CIAO1: variants seen among roughly 807,000 people sequenced by gnomAD.
CIAO1 encodes probable cytosolic iron-sulfur protein assembly protein CIAO1.
In CIAO1, 32 loss-of-function variants were observed where a neutral mutation model predicts 43.1. The ratio of observed to expected loss-of-function variants is 0.74; its 90% CI spans 0.56 to 1.00. The LOEUF (loss-of-function observed/expected upper bound fraction) is 1.00, where lower values mean the gene tolerates loss of function less well. CIAO1 is among the 50% of genes least tolerant of loss of function. CIAO1 has a pLI of 0.00. For missense variants in CIAO1, 415 were observed against 437.4 expected (o/e 0.95, Z 0.46); for synonymous variants, 183 against 171.4 (o/e 1.07, Z -0.53).
chr2:96,266,566 G>C, intron 1 of CIAO1, 77 bp downstream of exon 1: 4 of 1,291,726 alleles, frequency 3.1e-6, no homozygotes, highest in Non-Finnish European at 4.0e-6. Flanking sequence ...CAGCCTGCAG[G>C]GGAGGCTGAA....
At position 96,266,469 on chromosome 2, in the gene CIAO1, T is replaced by G; in HGVS notation, c.119T>G (p.Ile40Ser). ...LLASCGGDRRIRIWGTEGDSW... is the reference protein window; with the variant it reads ...LLASCGGDRRSRIWGTEGDSW... ...GCCTCGTGCGGCGGCGACCGGAGAA[T>G]CCGCATCTGGGGCACGGAGGGTAAG... The change falls in exon 1 of 7, where the codon ATC becomes AGC. Residue 40 changes from isoleucine (I) to serine (S), a missense_variant. Physicochemically the swap from Ile to Ser is moderately radical, Grantham distance 142. Coordinates refer to ENST00000488633, the MANE Select transcript of CIAO1 (RefSeq NM_004804.3). 6.5e-7 allele frequency: 1 copy of G among 1,546,318 alleles called. No homozygotes were observed. Among genetic ancestry groups the G allele is most frequent in the South Asian group, 1.2e-5 (1 of 85,562 alleles).
rs1310698229 is a variant in CIAO1, at chr2:96,274,170, A to C, written c.*2819A>C. On this transcript the variant is annotated 3_prime_UTR_variant, in exon 7 of 7. Transcript: ENST00000488633. ...TTTGTTATTTAAAAAGAAAAAAAAA[A>C]AAACAAAAACCTGAGTTTCTTAGTT... Among the ~76,000 whole-genome samples the C allele has an allele frequency of 8.8e-4, 117 of 133,300 alleles. 2 individuals are homozygous for C. The highest frequency in any genetic ancestry group is 6.7e-5 in the Non-Finnish European group (4 of 59,670). The allele number at this position is 133,300 out of a possible 152,430, so 87.4% of individuals were successfully genotyped here.
rs1684455476 is a variant in CIAO1 at position 96,267,378 on chromosome 2, A to G, written c.197A>G (p.Lys66Arg). 3 of 1,614,188 alleles carry G rather than the reference A, an allele frequency of 1.9e-6. No individual in the cohort carries two copies. Among genetic ancestry groups the G allele is most frequent in the Non-Finnish European group, 2.5e-6 (3 of 1,180,028 alleles). ...LSEGHQRTVRKVAWSPCGNYL... is the reference protein window; with the variant it reads ...LSEGHQRTVRRVAWSPCGNYL... ...GAAGGCCACCAGCGCACCGTGCGGA[A>G]GGTAGCCTGGTCCCCCTGCGGTAAT... Residue 66 changes from lysine to arginine, a missense_variant, in exon 2 of 7, where the codon AAG becomes AGG. Lys to Arg is a conservative substitution (Grantham distance 26, BLOSUM62 2). Transcript: ENST00000488633.
In CIAO1 at chr2:96,266,270, G is replaced by A. The variant is rs974216366; in HGVS notation, c.-81G>A. Reference sequence around the variant, plus strand: ...TCGGCCGCGGAAGCCTGGAGTGGGCGGTACGCAGACGCGCGCGGTGAGACC... The same window carrying A: ...TCGGCCGCGGAAGCCTGGAGTGGGCAGTACGCAGACGCGCGCGGTGAGACC... On this transcript the variant is annotated 5_prime_UTR_variant, in exon 1 of 7. Transcript: ENST00000488633. The A allele has an allele frequency of 5.5e-6, 7 of 1,278,810 alleles. No individual in the cohort carries two copies. Among genetic ancestry groups the A allele is most frequent in the Admixed American group, 3.8e-5 (1 of 25,984 alleles). 79.2% of individuals were successfully genotyped at this position (1,278,810 alleles called of 1,614,324 possible).
chr2:96,271,021 A>G, intron 6 of CIAO1, 90 bp from the exon 7 acceptor site: 1 of 1,524,556 alleles, frequency 6.6e-7, no homozygotes, highest in Non-Finnish European at 8.9e-7. Context: ...TGAGGCCTGA[A>G]GTTAGGGAAG....
In CIAO1 at chr2:96,272,283, A is replaced by G. The variant is rs1684567816; in HGVS notation, c.*932A>G. ...TAATGTGACAATGGCCTCCAAAACTACAGCCTTCCCTGAAGTTTAAGCTGT... is the reference window on the plus strand; with the variant it reads ...TAATGTGACAATGGCCTCCAAAACTGCAGCCTTCCCTGAAGTTTAAGCTGT... On this transcript the variant is annotated 3_prime_UTR_variant, in exon 7 of 7. Coordinates refer to ENST00000488633, the MANE Select transcript of CIAO1 (RefSeq NM_004804.3). 1.3e-5 allele frequency: 2 copies of G among 152,220 alleles called. No homozygotes were observed. Among genetic ancestry groups the G allele is most frequent in the African/African-American group, 4.8e-5 (2 of 41,446 alleles). 9.4% of individuals were successfully genotyped at this position (152,220 alleles called of 1,614,324 possible).
rs1022980026 is a variant in CIAO1 at position 96,272,039 on chromosome 2, A to G, written c.*688A>G. On this transcript the variant is annotated 3_prime_UTR_variant, in exon 7 of 7. Coordinates refer to ENST00000488633, the MANE Select transcript of CIAO1 (RefSeq NM_004804.3). The stretch of plus-strand genomic sequence containing the variant: ...CAACAGGGATGCAAATTGGTTCTTC[A>G]GTAAGGATAAAAAAAAATCACAAGC... The G allele has an allele frequency of 2.6e-5, 4 of 152,226 alleles. No individual in the cohort carries two copies. The highest frequency in any genetic ancestry group is 5.9e-5 in the Non-Finnish European group (4 of 68,058). 9.4% of individuals were successfully genotyped at this position (152,226 alleles called of 1,614,324 possible). A position where few individuals can be genotyped will look rare whatever the true frequency, so the allele number is the denominator to read the frequency against.
Position 96,268,612 on chromosome 2 carries a change from C to A in CIAO1, c.645C>A (p.Asp215Glu). 6.2e-7 allele frequency: 1 copy of A among 1,614,180 alleles called. No homozygotes were observed. The highest frequency in any genetic ancestry group is 1.7e-4 in the Middle Eastern group (1 of 6,058). Reference sequence around the variant, plus strand: ...AGCGCCTGGCGTCTTGTAGTGATGACCGTACTGTGCGTATCTGGCGTCAGT... The same window carrying A: ...AGCGCCTGGCGTCTTGTAGTGATGAACGTACTGTGCGTATCTGGCGTCAGT... ...SGQRLASCSD[D>E]RTVRIWRQYL... The change falls in exon 5 of 7, where the codon GAC (aspartate) becomes GAA (glutamate). Residue 215 changes from aspartate (D) to glutamate (E), a missense_variant. Coordinates refer to ENST00000488633, the MANE Select transcript of CIAO1 (RefSeq NM_004804.3).
At chr2:96,270,278 G>A (rs1458853128) in intron 6 of CIAO1, among the ~76,000 whole-genome samples, 2 of 151,870 alleles carry the variant, frequency 1.3e-5, no homozygotes, top group Non-Finnish European at 2.9e-5. Flanking sequence ...AGGCCAAGGT[G>A]AGTGAATCAT....
chr2:96,268,067 G>T, intron 4 of CIAO1, 143 bp downstream of exon 4: 3 of 732,902 alleles, frequency 4.1e-6, no homozygotes, highest in Admixed American at 4.3e-5. Flanking sequence ...TATAAAAACA[G>T]ATCCGGCTGG....
rs1684555777 is a variant in CIAO1, at chr2:96,271,762, A to G, written c.*411A>G. The stretch of plus-strand genomic sequence containing the variant: ...GATATTCATAAAAATTCCATGGTGA[A>G]TCCTTGTCTGAAATAGGTCCTCCCT... On this transcript the variant is annotated 3_prime_UTR_variant, in exon 7 of 7. Coordinates refer to ENST00000488633, the MANE Select transcript of CIAO1 (RefSeq NM_004804.3). The G allele has an allele frequency of 6.3e-6, 1 of 158,650 alleles. No individual in the cohort carries two copies. 9.8% of individuals were successfully genotyped at this position (158,650 alleles called of 1,614,324 possible).
At chr2:96,269,641 GT>G (rs1253470965) in intron 6 of CIAO1, among the ~76,000 whole-genome samples, 3 of 151,230 alleles carry the variant, frequency 2.0e-5, no homozygotes, top group Non-Finnish European at 3.0e-5. Flanking sequence ...GTGGCTGAGG[GT>G]TTTTTTTTGT....
At chr2:96,268,703 G>T (rs746370859) in intron 5 of CIAO1, 45 bp downstream of exon 5, 5 of 1,595,386 alleles carry the variant, frequency 3.1e-6, no homozygotes, top group Non-Finnish European at 4.3e-6. Flanking sequence ...CTCTCAAGGG[G>T]TTCACAGTCT....
chr2:96,268,555 T>C lies in CIAO1; in HGVS notation c.588T>C (p.Thr196=). The C allele has an allele frequency of 6.2e-7, 1 of 1,614,182 alleles. No individual in the cohort carries two copies. The highest frequency in any genetic ancestry group is 8.5e-7 in the Non-Finnish European group (1 of 1,180,006). ...CCACCCTTGAGGGCCATGAATCCAC[T>C]GTGTGGAGCTTGGCCTTTGACCCGA... The part of the protein sequence containing the change: ...CCATLEGHES[T]VWSLAFDPSG... The change falls in exon 5 of 7, where the codon ACT becomes ACC. Residue 196 remains threonine, a synonymous_variant. Transcript: ENST00000488633.
Position 96,269,360 on chromosome 2 carries a change from G to T in CIAO1, c.779+5G>T, listed in dbSNP as rs747299720. 1.2e-6 allele frequency: 2 copies of T among 1,612,698 alleles called. No individual in the cohort carries two copies. Among genetic ancestry groups the T allele is most frequent in the South Asian group, 2.2e-5 (2 of 91,058 alleles). On this transcript the variant is annotated splice_donor_5th_base_variant and intron_variant, in intron 6 of 6. Transcript: ENST00000488633. ...GACCATTTATGACATTGCTTGGTAA[G>T]ACTCCATCCCCCCACCCCATCCCAT...
intron 5 of CIAO1, 144 bp from the exon 6 acceptor site, chr2:96,269,124 G>A: frequency 1.4e-6 from 1 of 704,614 alleles, no homozygotes; most frequent in East Asian, 2.7e-5. Flanking sequence ...TAGTGTGTAA[G>A]GCAGATAAGC....
chr2:96,271,600 A>G lies in CIAO1; in HGVS notation c.*249A>G. ...ACAGATTTTTCTTGCATTAGGGCACAGTGTTAAATTTTTTGGAGGTAAATA... is the reference window on the plus strand; with the variant it reads ...ACAGATTTTTCTTGCATTAGGGCACGGTGTTAAATTTTTTGGAGGTAAATA... On this transcript the variant is annotated 3_prime_UTR_variant, in exon 7 of 7. Coordinates refer to ENST00000488633, the MANE Select transcript of CIAO1 (RefSeq NM_004804.3). 1 of 478,176 alleles carries G rather than the reference A, an allele frequency of 2.1e-6. No individual in the cohort carries two copies. The highest frequency in any genetic ancestry group is 5.6e-4 in the Middle Eastern group (1 of 1,784). 29.6% of individuals were successfully genotyped at this position (478,176 alleles called of 1,614,324 possible).
rs1684579484 is a variant in CIAO1, at chr2:96,272,819, A to G, written c.*1468A>G. The G allele has an allele frequency of 6.6e-6, 1 of 152,198 alleles. No individual in the cohort carries two copies. The highest frequency in any genetic ancestry group is 6.5e-5 in the Admixed American group (1 of 15,284). The allele number at this position is 152,198 out of a possible 1,614,324, so 9.4% of individuals were successfully genotyped here. ...GAGTGAAACCCTGTCTCAAAAAGAAAAAAAAAGTTGACCTTGAGAATTTAT... is the reference window on the plus strand; with the variant it reads ...GAGTGAAACCCTGTCTCAAAAAGAAGAAAAAAGTTGACCTTGAGAATTTAT... On this transcript the variant is annotated 3_prime_UTR_variant, in exon 7 of 7. Transcript: ENST00000488633.
chr2:96,266,452 C>T lies in CIAO1; in HGVS notation c.102C>T (p.Cys34=). Residue 34 remains cysteine (C), a synonymous_variant, in exon 1 of 7, where the codon TGC becomes TGT. Coordinates refer to ENST00000488633, the MANE Select transcript of CIAO1 (RefSeq NM_004804.3). The part of the protein sequence containing the change: ...WNPAGTLLAS[C]GGDRRIRIWG... ...CCGCGGGGACCCTGCTGGCCTCGTG[C>T]GGCGGCGACCGGAGAATCCGCATCT... 4.5e-6 allele frequency: 7 copies of T among 1,551,900 alleles called. No homozygotes were observed. Among genetic ancestry groups the T allele is most frequent in the African/African-American group, 1.4e-5 (1 of 71,502 alleles).
Sources: allele counts gnomAD v4.1 joint callset (sites outside exome capture counted in the v4.1 genomes callset), GRCh38; gene constraint gnomAD v4.1.1; transcripts MANE v1.5; gene names NCBI Gene and HGNC (gene_info 2026-07-23, HGNC 2026-07-21).